Variants in MPZ observed in about 807,000 individuals in gnomAD.
MPZ encodes the protein myelin protein P0.
MPZ carries 13 observed loss-of-function variants against 27.9 expected under a neutral mutation model. That is an observed-to-expected ratio of 0.47 (90% CI 0.30 to 0.74). The LOEUF is 0.74. Among genes scored for constraint, MPZ ranks in the 30% least tolerant of loss-of-function variants. The pLI is 0.06. For synonymous variants in MPZ, 118 were observed against 128.9 expected (o/e 0.92, Z 0.57); for missense variants, 256 against 317.5 (o/e 0.81, Z 1.47).
intron 1 of MPZ, among the ~76,000 whole-genome samples, chr1:161,309,178 C>T (rs554170181): frequency 1.2e-4 from 18 of 152,338 alleles, no homozygotes; most frequent in African/African-American, 4.3e-4. Context: ...ACTCCATTCA[C>T]CCACACAACA....
rs747072258 is a variant in MPZ, at chr1:161,309,868, A to G, written c.38T>C (p.Ile13Thr). 4.4e-6 allele frequency: 7 copies of G among 1,588,928 alleles called. No homozygotes were observed. The South Asian group carries it at 8.1e-5, about 18-fold the overall frequency. The change falls in exon 1 of 6, where the codon ATC becomes ACC. Residue 13 changes from isoleucine to threonine, a missense_variant. This residue lies in a region of MPZ where 155 missense variants were observed against 223.9 expected (regional missense o/e 0.69). Transcript: ENST00000533357. The part of the protein sequence containing the change: ...PGAPSSSPSP[I>T]LAVLLFSSLV... ...AGAAGAGAAGAGCAGCACAGCCAGG[A>G]TAGGGCTGGGGCTGGATGAGGGAGC...
intron 1 of MPZ, among the ~76,000 whole-genome samples, chr1:161,309,552 A>ATATATATATATATATATATATTTTTT: frequency 2.5e-5 from 2 of 80,664 alleles, no homozygotes; most frequent in Admixed American, 1.3e-4. Flanking sequence ...ATATATATAT[A>ATATATATATATATATATATATTTTTT]TTTTTTTTTT....
At position 161,309,950 on chromosome 1, in the gene MPZ, A is replaced by T. The variant is rs779358906; in HGVS notation, c.-45T>A. Reference sequence around the variant, plus strand: ...GCCCGGAGCATCTGTGGGGTTGAGAAAGTGGGGGACCAGGAACTGAACGGG... The same window carrying T: ...GCCCGGAGCATCTGTGGGGTTGAGATAGTGGGGGACCAGGAACTGAACGGG... On this transcript the variant is annotated 5_prime_UTR_variant, in exon 1 of 6. Coordinates refer to ENST00000533357, the MANE Select transcript of MPZ (RefSeq NM_000530.8). 28 of 1,458,884 alleles carry T rather than the reference A, an allele frequency of 1.9e-5. No homozygotes were observed. Among genetic ancestry groups the T allele is most frequent in the Non-Finnish European group, 2.6e-5 (28 of 1,059,768 alleles). The allele number at this position is 1,458,884 out of a possible 1,614,324, so 90.4% of individuals were successfully genotyped here.
rs1245905146 is a variant in MPZ at position 161,309,215 on chromosome 1, A to G, written c.67+624T>C. Among the ~76,000 whole-genome samples the G allele has an allele frequency of 2.0e-5, 3 of 152,366 alleles. No individual in the cohort carries two copies. In the East Asian group the frequency reaches 5.8e-4, roughly 29 times the overall value. On this transcript the variant is annotated intron_variant, in intron 1 of 5. Transcript: ENST00000533357. ...GTGAGGAGCCATAGAGAGACAAAAA[A>G]TCTGAGGAGCTGAGACCACAAACCT...
Position 161,309,948 on chromosome 1 carries a change from G to C in MPZ, c.-43C>G. Reference sequence around the variant, plus strand: ...GGGCCCGGAGCATCTGTGGGGTTGAGAAAGTGGGGGACCAGGAACTGAACG... The same window carrying C: ...GGGCCCGGAGCATCTGTGGGGTTGACAAAGTGGGGGACCAGGAACTGAACG... On this transcript the variant is annotated 5_prime_UTR_variant, in exon 1 of 6. Transcript: ENST00000533357. The C allele has an allele frequency of 2.1e-6, 3 of 1,457,616 alleles. No individual in the cohort carries two copies. The highest frequency in any genetic ancestry group is 2.8e-6 in the Non-Finnish European group (3 of 1,058,520). 90.3% of individuals were successfully genotyped at this position (1,457,616 alleles called of 1,614,324 possible).
At chr1:161,303,710 GAC>G (rs1670164253), downstream of MPZ, among the ~76,000 whole-genome samples, 1 of 152,200 alleles carries the variant, frequency 6.6e-6, no homozygotes, top group African/African-American at 2.4e-5. Flanking sequence ...ATGAATAATG[GAC>G]AGTTTAGCAT....
rs1670185757 is a variant in MPZ at position 161,304,806 on chromosome 1, G to A, written c.*1070C>T. On this transcript the variant is annotated 3_prime_UTR_variant, in exon 6 of 6. Coordinates refer to ENST00000533357, the MANE Select transcript of MPZ (RefSeq NM_000530.8). Reference sequence around the variant, plus strand: ...TTTGAGAAGAAATATACAGAATGTAGAAAAATCCTAAGAATCCCCTGTGGC... The same window carrying A: ...TTTGAGAAGAAATATACAGAATGTAAAAAAATCCTAAGAATCCCCTGTGGC... The A allele has an allele frequency of 6.5e-6, 1 of 152,672 alleles. No homozygotes were observed. Among genetic ancestry groups the A allele is most frequent in the Non-Finnish European group, 1.5e-5 (1 of 68,020 alleles). 9.5% of individuals were successfully genotyped at this position (152,672 alleles called of 1,614,324 possible).
At chr1:161,309,616 C>T (rs1670354273) in intron 1 of MPZ, among the ~76,000 whole-genome samples, 1 of 144,458 alleles carries the variant, frequency 6.9e-6, no homozygotes, top group Non-Finnish European at 1.5e-5. Flanking sequence ...GTCTCCAACT[C>T]CTGGGGCTCA....
At chr1:161,306,950 A>T (rs773528920) in intron 2 of MPZ, 29 bp from the exon 3 acceptor site, 8 of 1,436,298 alleles carry the variant, frequency 5.6e-6, no homozygotes, top group Non-Finnish European at 7.6e-6. Context: ...AGCATGTGAG[A>T]GGACCCTAAT....
intron 1 of MPZ, among the ~76,000 whole-genome samples, chr1:161,309,552 A>ATATATATATATTTTTTTTTTT: frequency 3.7e-5 from 3 of 80,664 alleles, no homozygotes; most frequent in African/African-American, 1.7e-4. Context: ...ATATATATAT[A>ATATATATATATTTTTTTTTTT]TTTTTTTTTT....
Position 161,309,850 on chromosome 1 carries a change from A to T in MPZ, c.56T>A (p.Phe19Tyr). ...SPSPILAVLL[F>Y]SSLVLSPAQA... ...GTGGCTCCACTTACCCAAAGAAGAG[A>T]AGAGCAGCACAGCCAGGATAGGGCT... The change falls in exon 1 of 6, where the codon TTC (phenylalanine) becomes TAC (tyrosine). Residue 19 changes from phenylalanine to tyrosine, a missense_variant. Transcript: ENST00000533357. 1 of 1,584,594 alleles carries T rather than the reference A, an allele frequency of 6.3e-7. No individual in the cohort carries two copies. Among genetic ancestry groups the T allele is most frequent in the Non-Finnish European group, 8.6e-7 (1 of 1,166,102 alleles).
chr1:161,309,431 C>T (rs1670341003), intron 1 of MPZ, among the ~76,000 whole-genome samples: 1 of 151,740 alleles, frequency 6.6e-6, no homozygotes, highest in African/African-American at 2.4e-5. Context: ...CAACCTGGGT[C>T]CAGCCATGGC....
At chr1:161,307,037 A>AAAAAAAC in intron 2 of MPZ, 116 bp from the exon 3 acceptor site, 1 of 920,676 alleles carries the variant, frequency 1.1e-6, no homozygotes, top group Non-Finnish European at 1.6e-6. Context: ...AAAAAAAAAA[A>AAAAAAAC]AGCTTCGCTC....
intron 1 of MPZ, among the ~76,000 whole-genome samples, chr1:161,309,535 C>CATATATATAT (rs568535304): frequency 3.6e-5 from 4 of 112,394 alleles, no homozygotes; most frequent in African/African-American, 1.1e-4. Context: ...TTTTTCTTTT[C>CATATATATAT]ATATATATAT....
intron 1 of MPZ, among the ~76,000 whole-genome samples, chr1:161,308,591 GCATGCAATAC>G (rs1670317522): frequency 6.6e-6 from 1 of 152,156 alleles, no homozygotes; most frequent in African/African-American, 2.4e-5. Context: ...TCTCACCTCA[GCATGCAATAC>G]CATGTACTTA....
chr1:161,305,866 C>A lies in MPZ; in HGVS notation c.*10G>T. On this transcript the variant is annotated 3_prime_UTR_variant, in exon 6 of 6. Coordinates refer to ENST00000533357, the MANE Select transcript of MPZ (RefSeq NM_000530.8). ...CCTAACCCCCGATCCCCCGCCCGGCCCGCTAACCGCTATTTCTTATCCTTG... is the reference window on the plus strand; with the variant it reads ...CCTAACCCCCGATCCCCCGCCCGGCACGCTAACCGCTATTTCTTATCCTTG... The A allele has an allele frequency of 6.2e-7, 1 of 1,608,122 alleles. No individual in the cohort carries two copies. Among genetic ancestry groups the A allele is most frequent in the Non-Finnish European group, 8.5e-7 (1 of 1,175,586 alleles).
At chr1:161,307,719 CA>C (rs1367383521) in intron 1 of MPZ, among the ~76,000 whole-genome samples, 1 of 152,148 alleles carries the variant, frequency 6.6e-6, no homozygotes, top group Non-Finnish European at 1.5e-5. Flanking sequence ...TCCTTTGGGT[CA>C]GTATCTAACT....
intron 1 of MPZ, among the ~76,000 whole-genome samples, chr1:161,309,200 A>G (rs1446971400): frequency 1.3e-5 from 2 of 152,236 alleles, no homozygotes; most frequent in Admixed American, 6.5e-5. Context: ...GTGAGGAGCC[A>G]TAGAGAGACA....
chr1:161,304,381 T>G (rs1450883717), downstream of MPZ, among the ~76,000 whole-genome samples: 1 of 152,168 alleles, frequency 6.6e-6, no homozygotes, highest in Admixed American at 6.5e-5. Flanking sequence ...TCTCAGTTGT[T>G]TACAAGTACA....
Sources: allele counts gnomAD v4.1 joint callset (sites outside exome capture counted in the v4.1 genomes callset), GRCh38; gene constraint gnomAD v4.1.1; regional missense constraint gnomAD v4.1.1; transcripts MANE v1.5; gene names NCBI Gene and HGNC (gene_info 2026-07-23, HGNC 2026-07-21).